REDIC1: variants seen among roughly 807,000 people sequenced by gnomAD.
REDIC1 encodes the protein HEI10 Interacting Protein 1.
the REDIC1 span, chr12:39,646,516 A>G: frequency 6.9e-7 from 1 of 1,456,196 alleles, no homozygotes; most frequent in Non-Finnish European, 9.2e-7. Flanking sequence ...TATTAACAAC[A>G]CTTTTACTCA....
chr12:39,833,263 A>G, the REDIC1 span, among the ~76,000 whole-genome samples: 3 of 152,104 alleles, frequency 2.0e-5, no homozygotes, highest in East Asian at 1.9e-4. Flanking sequence ...AAAGCTGAAA[A>G]TATTTCCTAT....
At chr12:39,866,895 G>C in the REDIC1 span, among the ~76,000 whole-genome samples, 1 of 152,192 alleles carries the variant, frequency 6.6e-6, no homozygotes, top group African/African-American at 2.4e-5. Context: ...GAAGGATGGG[G>C]AGGATTAAAG....
At chr12:39,668,104 T>C in the REDIC1 span, among the ~76,000 whole-genome samples, 1 of 152,188 alleles carries the variant, frequency 6.6e-6, no homozygotes, top group African/African-American at 2.4e-5. Flanking sequence ...TTTGATCCTT[T>C]CATTATGATG....
At chr12:39,635,538 C>G in the REDIC1 span, among the ~76,000 whole-genome samples, 1 of 150,218 alleles carries the variant, frequency 6.7e-6, no homozygotes, top group Non-Finnish European at 1.5e-5. Flanking sequence ...CAAACTATCA[C>G]AAGGACAGAA....
chr12:39,701,281 G>C, the REDIC1 span, among the ~76,000 whole-genome samples: 1 of 152,134 alleles, frequency 6.6e-6, no homozygotes, highest in Non-Finnish European at 1.5e-5. Flanking sequence ...GGCAGGGGTT[G>C]CAATCCTGGT....
the REDIC1 span, chr12:39,643,781 A>T: frequency 6.6e-7 from 1 of 1,522,368 alleles, no homozygotes; most frequent in Non-Finnish European, 9.0e-7. Context: ...TATTTTAGGA[A>T]TATTTTGAAA....
At chr12:39,650,349 A>G in the REDIC1 span, 2 of 1,609,862 alleles carry the variant, frequency 1.2e-6, no homozygotes, top group Non-Finnish European at 1.7e-6. The surrounding 1 kb of genome is among the most constrained non-coding windows in gnomAD (Gnocchi z 4.3). Context: ...TTGAAAGATT[A>G]AACAGGTAAG....
chr12:39,674,780 C>T, the REDIC1 span, among the ~76,000 whole-genome samples: 7 of 152,336 alleles, frequency 4.6e-5, no homozygotes, highest in African/African-American at 1.4e-4. Context: ...CCCTGGCCTT[C>T]TCTCACAGGG....
At chr12:39,849,180 TA>T in the REDIC1 span, among the ~76,000 whole-genome samples, 7 of 152,102 alleles carry the variant, frequency 4.6e-5, no homozygotes, top group Middle Eastern at 3.4e-3. Context: ...AATAAAGATT[TA>T]AAAAAAAATT....
At chr12:39,896,706 T>C in the REDIC1 span, among the ~76,000 whole-genome samples, 58 of 152,120 alleles carry the variant, frequency 3.8e-4, no homozygotes, top group East Asian at 0.011. Context: ...AATTTAAGAC[T>C]TCAAGTATTT....
chr12:39,635,198 G>C, the REDIC1 span, among the ~76,000 whole-genome samples: 13 of 152,148 alleles, frequency 8.5e-5, no homozygotes, highest in Admixed American at 8.5e-4. Context: ...GTTGGTGGGA[G>C]TGTAAATTAG....
chr12:39,751,615 C>T, the REDIC1 span, among the ~76,000 whole-genome samples: 17 of 152,202 alleles, frequency 1.1e-4, no homozygotes, highest in South Asian at 6.2e-4. Context: ...ATGTTTATTG[C>T]GGCACTATTC....
chr12:39,643,838 T>C, the REDIC1 span: 2 of 1,565,850 alleles, frequency 1.3e-6, no homozygotes, highest in Non-Finnish European at 1.8e-6. Flanking sequence ...TTTTATCTCC[T>C]GTCAAAAATT....
chr12:39,727,394 T>G, the REDIC1 span, among the ~76,000 whole-genome samples: 4 of 152,194 alleles, frequency 2.6e-5, no homozygotes, highest in African/African-American at 9.7e-5. Context: ...ACAACAGCAT[T>G]TATTCAATAG....
chr12:39,764,915 A>G, the REDIC1 span: 380 of 1,559,922 alleles, frequency 2.4e-4, 4 homozygotes, highest in African/African-American at 4.5e-3. Flanking sequence ...AGTTGCAGAA[A>G]TTCAATATGA....
the REDIC1 span, among the ~76,000 whole-genome samples, chr12:39,696,184 A>C: frequency 3.9e-5 from 6 of 152,120 alleles, no homozygotes; most frequent in African/African-American, 1.4e-4. Flanking sequence ...TTCAGTGCCC[A>C]GGTACAAACA....
chr12:39,871,861 G>A, the REDIC1 span: 5 of 1,612,604 alleles, frequency 3.1e-6, no homozygotes, highest in South Asian at 3.3e-5. Flanking sequence ...ACTCCCACAA[G>A]TGTGAAAATG....
the REDIC1 span, among the ~76,000 whole-genome samples, chr12:39,799,309 T>C: frequency 2.7e-5 from 4 of 147,136 alleles, no homozygotes; most frequent in Middle Eastern, 3.3e-3. Context: ...GGGGTTTCGC[T>C]GTGTTGGCCA....
At chr12:39,901,003 G>T in the REDIC1 span, among the ~76,000 whole-genome samples, 1 of 152,066 alleles carries the variant, frequency 6.6e-6, no homozygotes, top group Non-Finnish European at 1.5e-5. Flanking sequence ...ATAGATCAAT[G>T]GAACTGAACA....
Sources: allele counts gnomAD v4.1 joint callset (sites outside exome capture counted in the v4.1 genomes callset), GRCh38; gene constraint gnomAD v4.1.1; non-coding constraint Gnocchi (gnomAD v3.1); transcripts MANE v1.5; gene names NCBI Gene and HGNC (gene_info 2026-07-23, HGNC 2026-07-21).